Variants in ATF7IP observed in about 807,000 individuals in gnomAD.
ATF7IP encodes the protein activating transcription factor 7 interacting protein.
In ATF7IP, 23 loss-of-function variants were observed where a neutral mutation model predicts 106.4. That is an observed-to-expected ratio of 0.22 (90% CI 0.16 to 0.31). The LOEUF is 0.31. ATF7IP is among the 10% of genes least tolerant of loss of function. ATF7IP has a pLI of 1.00. For missense variants in ATF7IP, 1,334 were observed against 1,524.3 expected (o/e 0.88, Z 2.08); for synonymous variants, 542 against 539.0 (o/e 1.01, Z -0.08).
At chr12:14,478,592 C>T (rs1944333568) in intron 12 of ATF7IP, 120 bp downstream of exon 12, 2 of 1,128,518 alleles carry the variant, frequency 1.8e-6, no homozygotes, top group South Asian at 3.2e-5. Flanking sequence ...TTGAGGACTA[C>T]AGTGCATGTC....
chr12:14,434,738 G>A (rs552493657), intron 3 of ATF7IP, among the ~76,000 whole-genome samples: 1 of 152,236 alleles, frequency 6.6e-6, no homozygotes, highest in African/African-American at 2.4e-5. Flanking sequence ...CAAGAATTTT[G>A]TATGGGCTAA....
chr12:14,464,967 G>A (rs1943775239), intron 9 of ATF7IP, among the ~76,000 whole-genome samples: 1 of 152,162 alleles, frequency 6.6e-6, no homozygotes, highest in Non-Finnish European at 1.5e-5. Context: ...TATAATCCCA[G>A]CACTTTGGGA....
Position 14,438,139 on chromosome 12 carries a change from T to C in ATF7IP, c.1801T>C (p.Trp601Arg). The change falls in exon 5 of 15, where the codon TGG becomes CGG. Residue 601 changes from tryptophan (W) to arginine (R), a missense_variant. This residue lies in a region of ATF7IP where 22 missense variants were observed against 47.4 expected (regional missense o/e 0.46). Transcript: ENST00000261168. The stretch of plus-strand genomic sequence containing the variant: ...ATATTTGTTTCTTTAGGTTATACAG[T>C]GGTTGCTGGAAGAAAAATTGTGTGC... ...INQKLQKVIQ[W>R]LLEEKLCALQ... 6.2e-7 allele frequency: 1 copy of C among 1,613,026 alleles called. No homozygotes were observed. Among genetic ancestry groups the C allele is most frequent in the Middle Eastern group, 1.8e-4 (1 of 5,452 alleles).
chr12:14,402,580 T>C (rs1940305244), intron 1 of ATF7IP, among the ~76,000 whole-genome samples: 1 of 151,338 alleles, frequency 6.6e-6, no homozygotes, highest in Non-Finnish European at 1.5e-5. Flanking sequence ...ATGTAAGTGT[T>C]TCTAGATACA....
intron 1 of ATF7IP, among the ~76,000 whole-genome samples, chr12:14,396,594 A>G (rs965899709): frequency 6.6e-6 from 1 of 152,192 alleles, no homozygotes; most frequent in Non-Finnish European, 1.5e-5. Flanking sequence ...GGAGAAGGTC[A>G]TGCTTCTTGG....
At chr12:14,385,817 G>T (rs1939209699) in intron 1 of ATF7IP, among the ~76,000 whole-genome samples, 1 of 151,692 alleles carries the variant, frequency 6.6e-6, no homozygotes, top group Admixed American at 6.6e-5. Flanking sequence ...CTACGGTTTT[G>T]TGAGGTATTG....
chr12:14,431,601 A>G (rs1317139761), intron 2 of ATF7IP, among the ~76,000 whole-genome samples: 2 of 151,982 alleles, frequency 1.3e-5, no homozygotes, highest in Non-Finnish European at 2.9e-5. Context: ...TCACCATGTT[A>G]GCCAGGATGG....
At chr12:14,463,727 A>T (rs1377920271) in intron 9 of ATF7IP, among the ~76,000 whole-genome samples, 1 of 152,176 alleles carries the variant, frequency 6.6e-6, no homozygotes, top group Non-Finnish European at 1.5e-5. Flanking sequence ...AGGAAGACCA[A>T]TTAAGAGGCT....
intron 10 of ATF7IP, among the ~76,000 whole-genome samples, chr12:14,471,421 A>G (rs568168993): frequency 6.6e-6 from 1 of 152,258 alleles, no homozygotes; most frequent in East Asian, 1.9e-4. Context: ...TTTGCTTCAT[A>G]GGTTTTGACA....
chr12:14,451,313 C>A (rs1316706464), intron 6 of ATF7IP, among the ~76,000 whole-genome samples: 1 of 151,736 alleles, frequency 6.6e-6, no homozygotes, highest in African/African-American at 2.4e-5. Flanking sequence ...AAGGATTTAT[C>A]AATTTTGCTG....
chr12:14,472,283 G>A (rs1203130779), intron 10 of ATF7IP, among the ~76,000 whole-genome samples: 4 of 151,740 alleles, frequency 2.6e-5, no homozygotes, highest in East Asian at 1.9e-4. Context: ...ATCAAGTTGC[G>A]TTTTTATGAA....
At chr12:14,446,130 GTAATGGGTT>G (rs1295730257) in intron 5 of ATF7IP, among the ~76,000 whole-genome samples, 1 of 151,720 alleles carries the variant, frequency 6.6e-6, no homozygotes, top group African/African-American at 2.4e-5. Context: ...CACAAACAAG[GTAATGGGTT>G]TTTTGTTTGT....
At chr12:14,410,281 A>G (rs902018839) in intron 1 of ATF7IP, among the ~76,000 whole-genome samples, 1 of 152,164 alleles carries the variant, frequency 6.6e-6, no homozygotes, top group African/African-American at 2.4e-5. Context: ...ATAAGTTTTA[A>G]ATTTGGCACT....
intron 6 of ATF7IP, among the ~76,000 whole-genome samples, chr12:14,453,964 A>G (rs954351073): frequency 1.3e-5 from 2 of 152,184 alleles, no homozygotes; most frequent in African/African-American, 4.8e-5. Flanking sequence ...TCATTGGCAG[A>G]TAATTCATAG....
chr12:14,434,558 G>A, intron 3 of ATF7IP, 135 bp downstream of exon 3: 1 of 599,530 alleles, frequency 1.7e-6, no homozygotes, highest in Non-Finnish European at 3.0e-6. Context: ...ATACCATTTT[G>A]TTGATGGCTA....
At chr12:14,496,409 G>T in intron 14 of ATF7IP, 66 bp downstream of exon 14, 1 of 1,077,936 alleles carries the variant, frequency 9.3e-7, no homozygotes, top group South Asian at 1.4e-5. Context: ...ATTGTATTTG[G>T]CATTTTTCTT....
intron 1 of ATF7IP, among the ~76,000 whole-genome samples, chr12:14,383,512 C>G (rs1364417319): frequency 6.6e-6 from 1 of 152,128 alleles, no homozygotes; most frequent in East Asian, 1.9e-4. Flanking sequence ...AATATCAATT[C>G]TGTTCCAGCC....
intron 3 of ATF7IP, among the ~76,000 whole-genome samples, chr12:14,435,415 C>T (rs531661360): frequency 1.7e-4 from 26 of 152,144 alleles, no homozygotes; most frequent in Non-Finnish European, 3.1e-4. Flanking sequence ...AGAGCATTTG[C>T]GTTTAAAAAG....
rs754117365 is a variant in ATF7IP, at chr12:14,456,638, A to G, written c.2069+4A>G. The stretch of plus-strand genomic sequence containing the variant: ...GCAATAATAACATGTCTTACAGGTG[A>G]GAATTCATAGTCTGTCTAGTTTTTA... On this transcript the variant is annotated splice_donor_region_variant and intron_variant, in intron 7 of 14. Coordinates refer to ENST00000261168, the MANE Select transcript of ATF7IP (RefSeq NM_018179.5). 6.3e-7 allele frequency: 1 copy of G among 1,591,638 alleles called. No homozygotes were observed. The highest frequency in any genetic ancestry group is 8.6e-7 in the Non-Finnish European group (1 of 1,161,438).
Sources: allele counts gnomAD v4.1 joint callset (sites outside exome capture counted in the v4.1 genomes callset), GRCh38; gene constraint gnomAD v4.1.1; regional missense constraint gnomAD v4.1.1; transcripts MANE v1.5; gene names NCBI Gene and HGNC (gene_info 2026-07-23, HGNC 2026-07-21).